Variants in ADAMTSL1 observed in about 807,000 individuals in gnomAD.
The protein encoded by ADAMTSL1 is ADAMTS like 1, also known as ADAMTS-like protein 1.
In ADAMTSL1, 126 loss-of-function variants were observed where a neutral mutation model predicts 201.8. The ratio of observed to expected loss-of-function variants is 0.62; its 90% CI spans 0.54 to 0.72. The LOEUF is 0.72. ADAMTSL1 is among the 30% of genes least tolerant of loss of function. The probability of loss-of-function intolerance (pLI) is 0.00; values close to 1 mark genes in which losing one functional copy is unlikely to be tolerated. For missense variants in ADAMTSL1, 2,679 were observed against 2,277.8 expected (o/e 1.18, Z -3.59); for synonymous variants, 1,121 against 903.4 (o/e 1.24, Z -4.32).
At chr9:18,333,350 G>A (rs1203304925) in intron 2 of ADAMTSL1, among the ~76,000 whole-genome samples, 1 of 152,096 alleles carries the variant, frequency 6.6e-6, no homozygotes, top group Non-Finnish European at 1.5e-5. Flanking sequence ...GGTGTCATAA[G>A]CGTCTGGCAT....
chr9:18,672,944 T>C (rs1267616240), intron 9 of ADAMTSL1, among the ~76,000 whole-genome samples: 1 of 152,224 alleles, frequency 6.6e-6, no homozygotes, highest in Non-Finnish European at 1.5e-5. Context: ...GTCATGTTAC[T>C]GCCCAGTGTA....
intron 3 of ADAMTSL1, among the ~76,000 whole-genome samples, chr9:18,552,671 C>T (rs907422035): frequency 2.0e-5 from 3 of 151,578 alleles, no homozygotes; most frequent in Non-Finnish European, 4.4e-5. Flanking sequence ...CCAATTTCAC[C>T]TTGTAGTCCG....
chr9:18,464,581 A>C (rs757748528), intron 2 of ADAMTSL1, among the ~76,000 whole-genome samples: 25 of 152,238 alleles, frequency 1.6e-4, no homozygotes, highest in Admixed American at 2.6e-4. Context: ...TGGAAAATTT[A>C]ATGAGTTATG....
intron 2 of ADAMTSL1, among the ~76,000 whole-genome samples, chr9:18,507,661 T>C (rs1029573935): frequency 1.3e-5 from 2 of 152,168 alleles, no homozygotes; most frequent in Admixed American, 6.5e-5. Context: ...TTCAAGACTT[T>C]TGTTTATGTT....
chr9:18,390,972 A>G (rs924050092), intron 2 of ADAMTSL1, among the ~76,000 whole-genome samples: 1 of 152,284 alleles, frequency 6.6e-6, no homozygotes, highest in South Asian at 2.1e-4. Context: ...GTTGTTAACT[A>G]TAGGCTGGAT....
At chr9:18,516,986 T>C (rs1818398164) in intron 2 of ADAMTSL1, among the ~76,000 whole-genome samples, 1 of 152,208 alleles carries the variant, frequency 6.6e-6, no homozygotes, top group African/African-American at 2.4e-5. Flanking sequence ...GCCAAAATAA[T>C]TCATAAATTT....
chr9:18,365,584 C>A (rs1454206286), intron 2 of ADAMTSL1, among the ~76,000 whole-genome samples: 4 of 151,766 alleles, frequency 2.6e-5, no homozygotes, highest in African/African-American at 9.7e-5. Flanking sequence ...CAAATAAAAG[C>A]AGGAATTAGA....
chr9:18,837,055 G>C (rs901474637), intron 23 of ADAMTSL1, among the ~76,000 whole-genome samples: 6 of 152,148 alleles, frequency 3.9e-5, no homozygotes, highest in Non-Finnish European at 5.9e-5. Context: ...TCAGTGAAGA[G>C]AGATAGTTTG....
chr9:18,666,339 G>A (rs958653203), intron 9 of ADAMTSL1, among the ~76,000 whole-genome samples: 1 of 152,104 alleles, frequency 6.6e-6, no homozygotes, highest in African/African-American at 2.4e-5. Context: ...AAGATTTAAT[G>A]ACTTTTAGAT....
chr9:18,343,707 A>G (rs1368421333), intron 2 of ADAMTSL1, among the ~76,000 whole-genome samples: 1 of 152,158 alleles, frequency 6.6e-6, no homozygotes, highest in African/African-American at 2.4e-5. Flanking sequence ...ACTAGGTTGC[A>G]CCATCTGAGC....
Position 17,912,378 on chromosome 9 carries a change from C to G in ADAMTSL1, c.87+5456C>G, listed in dbSNP as rs1825922014. Among the ~76,000 whole-genome samples, 2 of 53,866 alleles carry G rather than the reference C, an allele frequency of 3.7e-5. 1 individual carries two copies. The highest frequency in any genetic ancestry group is 7.0e-5 in the African/African-American group (2 of 28,754). 35.3% of individuals were successfully genotyped at this position (53,866 alleles called of 152,430 possible). A position where few individuals can be genotyped will look rare whatever the true frequency, so the allele number is the denominator to read the frequency against. ...TCCTGACTTTTTACTGATTGCCATT[C>G]TAACTGGTGTGAGATGGTATCTCAT... On this transcript the variant is annotated intron_variant, in intron 1 of 29. Transcript: ENST00000680146.
intron 1 of ADAMTSL1, among the ~76,000 whole-genome samples, chr9:18,162,509 T>G (rs1479782582): frequency 6.6e-6 from 1 of 152,006 alleles, no homozygotes; most frequent in Non-Finnish European, 1.5e-5. Flanking sequence ...TTGACTATTC[T>G]GTATAACAAC....
chr9:18,547,600 C>T (rs1820543036), intron 3 of ADAMTSL1, among the ~76,000 whole-genome samples: 1 of 139,496 alleles, frequency 7.2e-6, no homozygotes, highest in African/African-American at 2.8e-5. Flanking sequence ...TTCGAGGAGG[C>T]TCTCTGTTGT....
chr9:18,061,946 C>G (rs973430486), intron 1 of ADAMTSL1, among the ~76,000 whole-genome samples: 15 of 152,104 alleles, frequency 9.9e-5, no homozygotes, highest in African/African-American at 3.4e-4. Flanking sequence ...CAACAAAAGA[C>G]CACATGGTGT....
chr9:18,537,184 T>C (rs1044651692), intron 3 of ADAMTSL1, among the ~76,000 whole-genome samples: 1 of 152,124 alleles, frequency 6.6e-6, no homozygotes, highest in East Asian at 1.9e-4. Flanking sequence ...TTCATTCTAA[T>C]GGAGAAAAAG....
intron 1 of ADAMTSL1, among the ~76,000 whole-genome samples, chr9:17,975,375 C>T (rs1032350414): frequency 1.3e-5 from 2 of 151,966 alleles, no homozygotes; most frequent in Non-Finnish European, 2.9e-5. Flanking sequence ...GATCAGGGCA[C>T]CAGCAGATTT....
At chr9:18,102,475 A>C (rs1051452619) in intron 1 of ADAMTSL1, among the ~76,000 whole-genome samples, 2 of 152,230 alleles carry the variant, frequency 1.3e-5, no homozygotes, top group Admixed American at 6.5e-5. Context: ...ATTCAGCATG[A>C]GAAGAGGGTC....
At chr9:18,479,911 A>G (rs1281338242) in intron 1 of ADAMTSL1, among the ~76,000 whole-genome samples, 2 of 152,246 alleles carry the variant, frequency 1.3e-5, no homozygotes, top group East Asian at 3.8e-4. Context: ...CCAAGTCATC[A>G]ACGCTAAGAA....
chr9:18,229,919 A>G (rs1010849862), intron 2 of ADAMTSL1, among the ~76,000 whole-genome samples: 5 of 151,744 alleles, frequency 3.3e-5, no homozygotes, highest in Admixed American at 6.6e-5. Flanking sequence ...CTTGTCTCAA[A>G]CTCCTGACCT....
Sources: allele counts gnomAD v4.1 joint callset (sites outside exome capture counted in the v4.1 genomes callset), GRCh38; gene constraint gnomAD v4.1.1; transcripts MANE v1.5; gene names NCBI Gene and HGNC (gene_info 2026-07-23, HGNC 2026-07-21).